TRDMT1: variants seen among roughly 807,000 people sequenced by gnomAD.
The protein encoded by TRDMT1 is tRNA aspartic acid methyltransferase 1.
Under a neutral mutation model 51.2 loss-of-function variants are expected in TRDMT1, and 49 were observed. The ratio of observed to expected loss-of-function variants is 0.96; its 90% CI spans 0.76 to 1.21. TRDMT1 has a LOEUF of 1.21. Among genes scored for constraint, TRDMT1 ranks in the 50% most tolerant of loss-of-function variants. The probability of loss-of-function intolerance (pLI) is 0.00; values close to 1 mark genes in which losing one functional copy is unlikely to be tolerated. For missense variants in TRDMT1, 534 were observed against 462.3 expected (o/e 1.16, Z -1.42); for synonymous variants, 187 against 164.6 (o/e 1.14, Z -1.04).
At chr10:17,184,879 TTG>T (rs1479116519) in intron 1 of TRDMT1, among the ~76,000 whole-genome samples, 2 of 152,176 alleles carry the variant, frequency 1.3e-5, no homozygotes, top group Non-Finnish European at 2.9e-5. Context: ...ATTTTTTATT[TTG>T]TGTGTGTGTT....
At chr10:17,169,265 A>G in intron 2 of TRDMT1, 3 of 1,005,656 alleles carry the variant, frequency 3.0e-6, no homozygotes, top group Non-Finnish European at 3.8e-6. Flanking sequence ...TTTATAATTG[A>G]TAACGTTCAT....
Position 17,145,985 on chromosome 10 carries a change from A to G in TRDMT1, c.*3055T>C, listed in dbSNP as rs1490171133. 1.0e-6 allele frequency: 1 copy of G among 985,358 alleles called. No homozygotes were observed. Among genetic ancestry groups the G allele is most frequent in the East Asian group, 1.1e-4 (1 of 8,818 alleles). The allele number at this position is 985,358 out of a possible 1,614,324, so 61.0% of individuals were successfully genotyped here. A position where few individuals can be genotyped will look rare whatever the true frequency, so the allele number is the denominator to read the frequency against. ...GGTTGAGATGGGAGCAAAAACCCAG[A>G]TGGTGATTTCTGCTGAGAACTTCCA... is the stretch of plus-strand genomic sequence containing the variant. On this transcript the variant is annotated 3_prime_UTR_variant, in exon 11 of 11. Transcript: ENST00000377799.
intron 3 of TRDMT1, among the ~76,000 whole-genome samples, chr10:17,167,764 A>T (rs1239254825): frequency 6.6e-6 from 1 of 152,230 alleles, no homozygotes; most frequent in African/African-American, 2.4e-5. Context: ...TTTAAATTGT[A>T]CAATTAAGCA....
Position 17,147,178 on chromosome 10 carries a change from T to A in TRDMT1, c.*1862A>T. On this transcript the variant is annotated 3_prime_UTR_variant, in exon 11 of 11. Coordinates refer to ENST00000377799, the MANE Select transcript of TRDMT1 (RefSeq NM_004412.7). ...TCTAAACCATTTTATTTAGAATATT[T>A]CAGCAGTGAACAGAACCTACATGAA... is the stretch of plus-strand genomic sequence containing the variant. 4.1e-6 allele frequency: 4 copies of A among 985,828 alleles called. No homozygotes were observed. The highest frequency in any genetic ancestry group is 3.6e-6 in the Non-Finnish European group (3 of 829,904). 61.1% of individuals were successfully genotyped at this position (985,828 alleles called of 1,614,324 possible). A position where few individuals can be genotyped will look rare whatever the true frequency, so the allele number is the denominator to read the frequency against.
At chr10:17,175,623 A>G (rs748261162) in intron 1 of TRDMT1, among the ~76,000 whole-genome samples, 4 of 151,702 alleles carry the variant, frequency 2.6e-5, no homozygotes, top group Admixed American at 6.6e-5. Flanking sequence ...CTTTAATACC[A>G]TTAGTTGATT....
rs1174769851 is a variant in TRDMT1, at chr10:17,161,496, C to T, written c.376G>A (p.Val126Ile). ...ILLENVKGFE[V>I]SSTRDLLIQT... ...ACATTTTTTTACCTTGTAGAAGATACTTCAAAACCTTTAACATTTTCCAAA... is the reference window on the plus strand; with the variant it reads ...ACATTTTTTTACCTTGTAGAAGATATTTCAAAACCTTTAACATTTTCCAAA... The change falls in exon 5 of 11, where the codon GTA becomes ATA. Residue 126 changes from valine (V) to isoleucine (I), a missense_variant. Physicochemically the swap from Val to Ile is conservative, Grantham distance 29. Transcript: ENST00000377799. 2 of 1,364,842 alleles carry T rather than the reference C, an allele frequency of 1.5e-6. No individual in the cohort carries two copies. 84.5% of individuals were successfully genotyped at this position (1,364,842 alleles called of 1,614,324 possible).
At chr10:17,201,440 G>C in intron 1 of TRDMT1, 131 bp downstream of exon 1, 1 of 877,022 alleles carries the variant, frequency 1.1e-6, no homozygotes, top group Middle Eastern at 2.7e-4. Flanking sequence ...CAGGACAACC[G>C]AGGGCCGCCC....
rs71377021 is a variant in TRDMT1 at position 17,145,277 on chromosome 10, C to CAAAACAAAAT, written c.*3762_*3763insATTTTGTTTT. 1 of 868,724 alleles carries CAAAACAAAAT rather than the reference C, an allele frequency of 1.2e-6. No homozygotes were observed. The highest frequency in any genetic ancestry group is 1.8e-5 in the African/African-American group (1 of 55,526). 53.8% of individuals were successfully genotyped at this position (868,724 alleles called of 1,614,324 possible). A position where few individuals can be genotyped will look rare whatever the true frequency, so the allele number is the denominator to read the frequency against. ...CAAAACAAAACAAAACAAAACAAAA[C>CAAAACAAAAT]AAAAAAAACAGCAAAGGGAAACTCT... On this transcript the variant is annotated 3_prime_UTR_variant, in exon 11 of 11. Transcript: ENST00000377799.
In TRDMT1 at chr10:17,145,278, A is replaced by C. The variant is rs1348643493; in HGVS notation, c.*3762T>G. The C allele has an allele frequency of 2.3e-6, 2 of 887,926 alleles. No homozygotes were observed. Among genetic ancestry groups the C allele is most frequent in the Non-Finnish European group, 2.6e-6 (2 of 776,300 alleles). 55.0% of individuals were successfully genotyped at this position (887,926 alleles called of 1,614,324 possible). A position where few individuals can be genotyped will look rare whatever the true frequency, so the allele number is the denominator to read the frequency against. ...AAAACAAAACAAAACAAAACAAAACAAAAAAAACAGCAAAGGGAAACTCTC... is the reference window on the plus strand; with the variant it reads ...AAAACAAAACAAAACAAAACAAAACCAAAAAAACAGCAAAGGGAAACTCTC... On this transcript the variant is annotated 3_prime_UTR_variant, in exon 11 of 11. Coordinates refer to ENST00000377799, the MANE Select transcript of TRDMT1 (RefSeq NM_004412.7).
At chr10:17,186,641 A>T (rs1027147174) in intron 1 of TRDMT1, among the ~76,000 whole-genome samples, 3 of 152,134 alleles carry the variant, frequency 2.0e-5, no homozygotes, top group Non-Finnish European at 2.9e-5. Context: ...TGTTGCTTTA[A>T]GCTACTAAGT....
In TRDMT1 at chr10:17,148,347, T is replaced by C; in HGVS notation, c.*693A>G. 1.0e-6 allele frequency: 1 copy of C among 985,342 alleles called. No individual in the cohort carries two copies. Among genetic ancestry groups the C allele is most frequent in the Non-Finnish European group, 1.2e-6 (1 of 829,914 alleles). 61.0% of individuals were successfully genotyped at this position (985,342 alleles called of 1,614,324 possible). A position where few individuals can be genotyped will look rare whatever the true frequency, so the allele number is the denominator to read the frequency against. The stretch of plus-strand genomic sequence containing the variant: ...AGAAGACAAAAACAAGCTTTGATAA[T>C]AGTCAACTAAAGGAAAGTACATACA... On this transcript the variant is annotated 3_prime_UTR_variant, in exon 11 of 11. Transcript: ENST00000377799.
rs1401842597 is a variant in TRDMT1, at chr10:17,137,349, A to G, written c.*11691T>C. On this transcript the variant is annotated 3_prime_UTR_variant, in exon 11 of 11. Coordinates refer to ENST00000377799, the MANE Select transcript of TRDMT1 (RefSeq NM_004412.7). ...TTGACCATGGGGGAAATTTGAAAGA[A>G]GTAAATTTATTGACCTTCTCTGATT... is the stretch of plus-strand genomic sequence containing the variant. The G allele has an allele frequency of 6.6e-6, 1 of 152,224 alleles. No homozygotes were observed. The highest frequency in any genetic ancestry group is 6.5e-5 in the Admixed American group (1 of 15,282). The allele number at this position is 152,224 out of a possible 1,614,324, so 9.4% of individuals were successfully genotyped here.
At chr10:17,189,635 G>C (rs1001515945) in intron 1 of TRDMT1, among the ~76,000 whole-genome samples, 1 of 152,130 alleles carries the variant, frequency 6.6e-6, no homozygotes, top group African/African-American at 2.4e-5. Flanking sequence ...TGAAGAAGCA[G>C]AGAAATTATT....
chr10:17,155,219 A>G (rs1839337063), intron 8 of TRDMT1, among the ~76,000 whole-genome samples: 1 of 148,474 alleles, frequency 6.7e-6, no homozygotes, highest in African/African-American at 2.5e-5. Context: ...ATCTCAAAAA[A>G]ATGATAATAA....
At chr10:17,177,063 A>T (rs1842706113) in intron 1 of TRDMT1, among the ~76,000 whole-genome samples, 1 of 151,828 alleles carries the variant, frequency 6.6e-6, no homozygotes, top group Non-Finnish European at 1.5e-5. Context: ...TTGATGTATT[A>T]CTTTGCCTAG....
Position 17,139,607 on chromosome 10 carries a change from G to A in TRDMT1, c.*9433C>T, listed in dbSNP as rs76486297. On this transcript the variant is annotated 3_prime_UTR_variant, in exon 11 of 11. Coordinates refer to ENST00000377799, the MANE Select transcript of TRDMT1 (RefSeq NM_004412.7). ...TGCCTCTTGTACCTTTAATTGGGAA[G>A]ATAGACGCAGAAGCAGTACACACAG... 3.2e-3 allele frequency among the ~76,000 whole-genome samples: 490 copies of A among 152,296 alleles called. 3 individuals carry two copies. The highest frequency in any genetic ancestry group is 0.011 in the African/African-American group (471 of 41,560).
Position 17,165,117 on chromosome 10 carries a change from C to T in TRDMT1, c.252-2880G>A, listed in dbSNP as rs570054798. Among the ~76,000 whole-genome samples the T allele has an allele frequency of 1.4e-3, 213 of 152,296 alleles. 1 individual carries two copies. Among genetic ancestry groups the T allele is most frequent in the Non-Finnish European group, 2.5e-3 (173 of 68,004 alleles). ...AGGCATCACGCTACCTGACTTGAAA[C>T]TATACTACAAGGCTACAGTAACCAA... On this transcript the variant is annotated intron_variant, in intron 3 of 10. Transcript: ENST00000377799.
At chr10:17,168,071 G>A (rs1245543879) in intron 3 of TRDMT1, among the ~76,000 whole-genome samples, 2 of 152,146 alleles carry the variant, frequency 1.3e-5, no homozygotes, top group Non-Finnish European at 2.9e-5. Context: ...GGGAGGTCGA[G>A]GTGGGAGGAT....
chr10:17,161,796 C>A (rs1407289036), intron 4 of TRDMT1, among the ~76,000 whole-genome samples: 4 of 152,114 alleles, frequency 2.6e-5, no homozygotes, highest in African/African-American at 9.7e-5. Flanking sequence ...TCACACAGAG[C>A]CTCTGTGGTG....
Sources: gnomAD v4.1 joint callset for allele counts (sites outside exome capture counted in the v4.1 genomes callset) on GRCh38, gnomAD v4.1.1 for gene constraint, MANE v1.5 for transcripts, NCBI Gene and HGNC (gene_info 2026-07-23, HGNC 2026-07-21) for gene names.